IMPDH2: variants seen among roughly 807,000 people sequenced by gnomAD.
IMPDH2 encodes the protein inosine-5'-monophosphate dehydrogenase 2.
A neutral mutation model predicts 57.8 loss-of-function variants in IMPDH2; 33 were observed. That is an observed-to-expected ratio of 0.57 (90% confidence interval 0.43 to 0.76). The LOEUF is 0.76. Among genes scored for constraint, IMPDH2 ranks in the 30% least tolerant of loss-of-function variants. The pLI is 0.00. For missense variants in IMPDH2, 446 were observed against 659.1 expected (o/e 0.68, Z 3.54); for synonymous variants, 270 against 241.3 (o/e 1.12, Z -1.10).
In IMPDH2 at chr3:49,028,930, T is replaced by C. The variant is rs2093212055; in HGVS notation, c.99-124A>G. On this transcript the variant is annotated intron_variant, in intron 1 of 13. Transcript: ENST00000326739. ...GAGAGTGGCACTGACAGAGTCTGTGTGTCACAGGCACAGCACAAGGTGGAA... is the reference window on the plus strand; with the variant it reads ...GAGAGTGGCACTGACAGAGTCTGTGCGTCACAGGCACAGCACAAGGTGGAA... 27 of 809,704 alleles carry C rather than the reference T, an allele frequency of 3.3e-5. No homozygotes were observed. In the South Asian group the frequency reaches 3.9e-4, roughly 12 times the overall value. The allele number at this position is 809,704 out of a possible 1,614,324, so 50.2% of individuals were successfully genotyped here. A position where few individuals can be genotyped will look rare whatever the true frequency, so the allele number is the denominator to read the frequency against.
At position 49,026,586 on chromosome 3, in the gene IMPDH2, G is replaced by A; in HGVS notation, c.843C>T (p.Ile281=). Residue 281 remains isoleucine, a synonymous_variant, in exon 8 of 14, where the codon ATC becomes ATT. Coordinates refer to ENST00000326739, the MANE Select transcript of IMPDH2 (RefSeq NM_000884.3). ...VVLDSSQGNS[I]FQINMIKYIK... is the part of the protein sequence containing the mutation. ...TGTACTTGATCATATTGATCTGGAAGATGGAATTTCCCTGGGAAGAGTCCT... is the reference window on the plus strand; with the variant it reads ...TGTACTTGATCATATTGATCTGGAAAATGGAATTTCCCTGGGAAGAGTCCT... 1 of 1,613,926 alleles carries A rather than the reference G, an allele frequency of 6.2e-7. No individual in the cohort carries two copies. The highest frequency in any genetic ancestry group is 2.2e-5 in the East Asian group (1 of 44,882).
intron 1 of IMPDH2, 72 bp from the exon 2 acceptor site, chr3:49,028,878 C>CCAAT (rs2106791774): frequency 8.4e-7 from 1 of 1,188,260 alleles, no homozygotes; most frequent in African/African-American, 1.5e-5. Context: ...TCCCCATGTA[C>CCAAT]CAATCAACCC....
intron 1 of IMPDH2, 21 bp downstream of exon 1, chr3:49,029,232 G>A (rs1272624179): frequency 6.4e-7 from 1 of 1,566,358 alleles, no homozygotes; most frequent in Non-Finnish European, 8.7e-7. Flanking sequence ...CTTCGCCCAG[G>A]TGAGCCCCAT....
chr3:49,026,020 G>A, intron 9 of IMPDH2: 1 of 510,756 alleles, frequency 2.0e-6, no homozygotes, highest in East Asian at 5.3e-5. Context: ...CAGTAGAAGG[G>A]CATTTGGGGC....
chr3:49,027,405 C>T (rs1045335935), intron 5 of IMPDH2, among the ~76,000 whole-genome samples: 1 of 152,172 alleles, frequency 6.6e-6, no homozygotes, highest in Non-Finnish European at 1.5e-5. Context: ...ACAGGGAGCA[C>T]CCTCTTACAC....
In IMPDH2 at chr3:49,026,902, G is replaced by A; in HGVS notation, c.620-16C>T. On this transcript the variant is annotated splice_polypyrimidine_tract_variant and intron_variant, in intron 6 of 13. Coordinates refer to ENST00000326739, the MANE Select transcript of IMPDH2 (RefSeq NM_000884.3). ...GGCAACTTTCCTGTGGTCAGGGCAG[G>A]ACATGAATCAGGACCCTAGGCATTA... 2 of 1,614,084 alleles carry A rather than the reference G, an allele frequency of 1.2e-6. No individual in the cohort carries two copies. The highest frequency in any genetic ancestry group is 2.2e-5 in the East Asian group (1 of 44,882).
At position 49,024,793 on chromosome 3, in the gene IMPDH2, G is replaced by C; in HGVS notation, c.1305C>G (p.Asp435Glu). The change falls in exon 12 of 14, where the codon GAC becomes GAG. Residue 435 changes from aspartate to glutamate, a missense_variant. Asp to Glu is a conservative substitution (Grantham distance 45). Coordinates refer to ENST00000326739, the MANE Select transcript of IMPDH2 (RefSeq NM_000884.3). ...SSQNRYFSEADKIKVAQGVSG... is the reference protein window; with the variant it reads ...SSQNRYFSEAEKIKVAQGVSG... ...ACACTCCCTGGGCCACTTTGATTTT[G>C]TCAGCTTCACTGCAGGGAGAGGCAG... 1 of 1,614,204 alleles carries C rather than the reference G, an allele frequency of 6.2e-7. No individual in the cohort carries two copies. The highest frequency in any genetic ancestry group is 8.5e-7 in the Non-Finnish European group (1 of 1,180,038).
intron 9 of IMPDH2, chr3:49,026,039 T>G (rs900829198): frequency 2.2e-5 from 12 of 538,628 alleles, no homozygotes; most frequent in Admixed American, 1.8e-4. Context: ...GCTGTGGGAC[T>G]TTATGTCTGG....
At chr3:49,028,048 TAG>T in intron 4 of IMPDH2, 132 bp from the exon 5 acceptor site, 2 of 817,324 alleles carry the variant, frequency 2.4e-6, no homozygotes, top group Non-Finnish European at 4.0e-6. Flanking sequence ...CAACACATCT[TAG>T]AGACATGGGT....
rs1559918204 is a variant in IMPDH2, at chr3:49,029,324, G to GC, written c.26dup (p.Thr10HisfsTer25). The GC allele has an allele frequency of 4.4e-6, 7 of 1,604,116 alleles. No individual in the cohort carries two copies. The highest frequency in any genetic ancestry group is 1.7e-6 in the Non-Finnish European group (2 of 1,175,630). On this transcript the variant is annotated frameshift_variant, in exon 1 of 14. Coordinates refer to ENST00000326739, the MANE Select transcript of IMPDH2 (RefSeq NM_000884.3). LOFTEE classifies it high-confidence loss of function. Reference sequence around the variant, plus strand: ...GTCCGTCGTCTGGCACGTAGGACGTGCCCCCACTAATCAGGTAGTCGGCCA... The same window carrying GC: ...GTCCGTCGTCTGGCACGTAGGACGTGCCCCCCACTAATCAGGTAGTCGGCCA...
intron 4 of IMPDH2, 56 bp downstream of exon 4, chr3:49,028,192 A>C: frequency 7.2e-7 from 1 of 1,395,708 alleles, no homozygotes; most frequent in South Asian, 1.2e-5. Flanking sequence ...CTCCCACCCC[A>C]CCCCACCTCA....
chr3:49,027,618 A>C, intron 5 of IMPDH2, 92 bp downstream of exon 5: 1 of 1,068,100 alleles, frequency 9.4e-7, no homozygotes, highest in South Asian at 1.3e-5. Context: ...TCCCAGAGAG[A>C]AGAGGCTATC....
rs2093214153 is a variant in IMPDH2, at chr3:49,029,203, C to A, written c.98+50G>T. 3 of 1,461,146 alleles carry A rather than the reference C, an allele frequency of 2.1e-6. No homozygotes were observed. In the East Asian group the frequency reaches 7.2e-5, roughly 35 times the overall value. The allele number at this position is 1,461,146 out of a possible 1,614,324, so 90.5% of individuals were successfully genotyped here. On this transcript the variant is annotated intron_variant, in intron 1 of 13. Transcript: ENST00000326739. ...TCGGAAGCCCCCATCTGGCCTTTTC[C>A]CCAGGGTGCCGCCCCTCTCTTCGCC...
At position 49,027,907 on chromosome 3, in the gene IMPDH2, G is replaced by A; in HGVS notation, c.334C>T (p.Gln112Ter). ...NEVRKVKKYEQGFITDPVVLS... is the reference protein window; with the variant it reads ...NEVRKVKKYE ...ACCACAGGGTCTGTGATGAATCCCT[G>A]TTCATATTTCTGGAAAGGGATGGTG... The change falls in exon 5 of 14, where the codon CAG becomes TAG. Residue 112 changes from glutamine (Q) to a stop codon, truncating the protein, a stop_gained. Transcript: ENST00000326739. LOFTEE classifies it high-confidence loss of function. The A allele has an allele frequency of 6.2e-7, 1 of 1,612,468 alleles. No individual in the cohort carries two copies. Among genetic ancestry groups the A allele is most frequent in the Non-Finnish European group, 8.5e-7 (1 of 1,178,594 alleles).
chr3:49,026,197 G>C, intron 9 of IMPDH2, 127 bp downstream of exon 9: 1 of 729,570 alleles, frequency 1.4e-6, no homozygotes, highest in Non-Finnish European at 2.4e-6. Flanking sequence ...ACCCATCCAA[G>C]AGGCCAATTT....
chr3:49,027,648 G>A, intron 5 of IMPDH2, 62 bp downstream of exon 5: 2 of 1,388,330 alleles, frequency 1.4e-6, no homozygotes, highest in African/African-American at 1.4e-5. Context: ...TTAGACAACA[G>A]AAGCCCCTTG....
Position 49,026,952 on chromosome 3 carries a change from G to A in IMPDH2, c.619+8C>T. On this transcript the variant is annotated splice_region_variant and intron_variant, in intron 6 of 13. Coordinates refer to ENST00000326739, the MANE Select transcript of IMPDH2 (RefSeq NM_000884.3). ...AGTTCCAGGCCCTTTCCCAGCTCTAGGACTTACCCTTCTTGCTGCGCTGCA... is the reference window on the plus strand; with the variant it reads ...AGTTCCAGGCCCTTTCCCAGCTCTAAGACTTACCCTTCTTGCTGCGCTGCA... 2 of 1,613,884 alleles carry A rather than the reference G, an allele frequency of 1.2e-6. No individual in the cohort carries two copies. Among genetic ancestry groups the A allele is most frequent in the South Asian group, 2.2e-5 (2 of 91,080 alleles).
Position 49,024,534 on chromosome 3 carries a change from G to C in IMPDH2, c.1484C>G (p.Ser495Cys). The change falls in exon 13 of 14, where the codon TCC becomes TGC. Residue 495 changes from serine to cysteine, a missense_variant. Transcript: ENST00000326739. The stretch of plus-strand genomic sequence containing the variant: ...GACGCCACCTTCCACCTGGGCTGAG[G>C]ACGTTCTCTTCTCAAACTTAAGCTC... ...SGELKFEKRTSSAQVEGGVHS... is the reference protein window; with the variant it reads ...SGELKFEKRTCSAQVEGGVHS... The C allele has an allele frequency of 6.2e-7, 1 of 1,614,182 alleles. No individual in the cohort carries two copies. The highest frequency in any genetic ancestry group is 1.1e-5 in the South Asian group (1 of 91,086).
chr3:49,027,159 TA>T lies in IMPDH2; in HGVS notation c.532-113del. ...AGAGGCACGCGCCACCACACCCAACTAATTTTTTGTATTTTTAGTAGAGACG... is the reference window on the plus strand; with the variant it reads ...AGAGGCACGCGCCACCACACCCAACTATTTTTTGTATTTTTAGTAGAGACG... On this transcript the variant is annotated intron_variant, in intron 5 of 13. Coordinates refer to ENST00000326739, the MANE Select transcript of IMPDH2 (RefSeq NM_000884.3). 3.7e-6 allele frequency: 3 copies of T among 813,448 alleles called. No individual in the cohort carries two copies. In the South Asian group the frequency reaches 4.1e-5, roughly 11 times the overall value. 50.4% of individuals were successfully genotyped at this position (813,448 alleles called of 1,614,324 possible).
Sources: allele counts gnomAD v4.1 joint callset (sites outside exome capture counted in the v4.1 genomes callset), GRCh38; gene constraint gnomAD v4.1.1; transcripts MANE v1.5; gene names NCBI Gene and HGNC (gene_info 2026-07-23, HGNC 2026-07-21).